Variants in SLC9B2 observed in about 807,000 individuals in gnomAD.
SLC9B2 encodes solute carrier family 9 member B2.
In SLC9B2, 39 loss-of-function variants were observed where a neutral mutation model predicts 52.2. That is an observed-to-expected ratio of 0.75 (90% CI 0.58 to 0.98). The LOEUF is 0.98. SLC9B2 is among the 50% of genes least tolerant of loss of function. SLC9B2 has a pLI of 0.00. For synonymous variants in SLC9B2, 214 were observed against 227.0 expected, an observed-to-expected ratio of 0.94 and a Z score of 0.51; for missense variants, 626 against 637.5, an observed-to-expected ratio of 0.98 and a Z score of 0.19.
In SLC9B2 at chr4:103,026,254, C is replaced by T. The variant is rs557123796; in HGVS notation, c.*116G>A. The T allele has an allele frequency of 2.1e-6, 2 of 943,632 alleles. No individual in the cohort carries two copies. The highest frequency in any genetic ancestry group is 3.3e-5 in the African/African-American group (2 of 60,532). 58.5% of individuals were successfully genotyped at this position (943,632 alleles called of 1,614,324 possible). A position where few individuals can be genotyped will look rare whatever the true frequency, so the allele number is the denominator to read the frequency against. On this transcript the variant is annotated 3_prime_UTR_variant, in exon 12 of 12. Transcript: ENST00000394785. ...GGGCTAAAAATGCTGTTTAAAGAAA[C>T]AGCTACACTTTTGGTTCTATTACAT... is the stretch of plus-strand genomic sequence containing the variant.
chr4:103,048,992 A>G lies in SLC9B2; in HGVS notation c.614T>C (p.Val205Ala), dbSNP rs956576185. Reference sequence around the variant, plus strand: ...AATACAGGGACCCATGGACAGTCTTACACAAACGCCCTTTAACTTCTTCAG... The same window carrying G: ...AATACAGGGACCCATGGACAGTCTTGCACAAACGCCCTTTAACTTCTTCAG... ...KALKKLKGVCVRLSMGPCIVE... is the reference protein window; with the variant it reads ...KALKKLKGVCARLSMGPCIVE... The change falls in exon 6 of 12, where the codon GTA becomes GCA. Residue 205 changes from valine to alanine, a missense_variant. By Grantham distance (64) the Val-to-Ala change is moderately conservative (BLOSUM62 0). Transcript: ENST00000394785. 1 of 1,613,896 alleles carries G rather than the reference A, an allele frequency of 6.2e-7. No individual in the cohort carries two copies.
Position 103,043,430 on chromosome 4 carries a change from T to A in SLC9B2, c.1012A>T (p.Lys338Ter). The part of the protein sequence containing the change: ...PSRDQDKLVC[K>*]RTFLVLGLSV... ...AACCCCAACACAAGGAATGTTCTCT[T>A]ACACACAAGTTTGTCCTTTAGGAGA... Residue 338 changes from lysine (K) to a stop codon, truncating the protein, a stop_gained, in exon 9 of 12, where the codon AAG (lysine) becomes TAG (stop). Coordinates refer to ENST00000394785, the MANE Select transcript of SLC9B2 (RefSeq NM_178833.7). LOFTEE classifies it high-confidence loss of function. 1 of 1,606,644 alleles carries A rather than the reference T, an allele frequency of 6.2e-7. No homozygotes were observed. The highest frequency in any genetic ancestry group is 1.7e-4 in the Middle Eastern group (1 of 6,030).
rs182078430 is a variant in SLC9B2 at position 103,024,611 on chromosome 4, C to A, written c.*1759G>T. Among the ~76,000 whole-genome samples the A allele has an allele frequency of 1.3e-5, 2 of 152,260 alleles. No homozygotes were observed. Among genetic ancestry groups the A allele is most frequent in the East Asian group, 3.9e-4 (2 of 5,186 alleles). On this transcript the variant is annotated 3_prime_UTR_variant, in exon 12 of 12. Transcript: ENST00000394785. ...TGGTGGGATTAGGATATTCATAATT[C>A]ATTCATCTAATACATATTTAATATC...
At chr4:103,058,113 T>C in intron 3 of SLC9B2, 142 bp from the exon 4 acceptor site, 1 of 790,464 alleles carries the variant, frequency 1.3e-6, no homozygotes, top group Non-Finnish European at 2.0e-6. Context: ...AGAGTATCAG[T>C]AAGATGACCA....
chr4:103,052,714 CAT>C (rs1491410977), intron 4 of SLC9B2, among the ~76,000 whole-genome samples: 5 of 150,204 alleles, frequency 3.3e-5, no homozygotes, highest in African/African-American at 1.2e-4. Flanking sequence ...TATGAGGGGA[CAT>C]TTTTTTTTTT....
chr4:103,056,273 G>A (rs1013752976), intron 4 of SLC9B2, among the ~76,000 whole-genome samples: 1 of 150,380 alleles, frequency 6.6e-6, no homozygotes, highest in Admixed American at 6.6e-5. Flanking sequence ...TTGAGATGGA[G>A]TCTCGCTCTT....
At chr4:103,077,061 C>G (rs755447287), upstream of SLC9B2, 1 of 152,218 alleles carries the variant, frequency 6.6e-6, no homozygotes, top group African/African-American at 2.4e-5. Flanking sequence ...CAGTGTGATT[C>G]TATTTCATTT....
rs1746685502 is a variant in SLC9B2, at chr4:103,072,054, A to ATGTTTTTTTTT, written c.-43+4119_-43+4129dup. 8.0e-5 allele frequency among the ~76,000 whole-genome samples: 5 copies of ATGTTTTTTTTT among 62,472 alleles called. No homozygotes were observed. The South Asian group carries it at 2.3e-3, about 29-fold the overall frequency. The allele number at this position is 62,472 out of a possible 152,430, so 41.0% of individuals were successfully genotyped here. A position where few individuals can be genotyped will look rare whatever the true frequency, so the allele number is the denominator to read the frequency against. On this transcript the variant is annotated intron_variant, in intron 1 of 11. Coordinates refer to ENST00000394785, the MANE Select transcript of SLC9B2 (RefSeq NM_178833.7). ...TTCAAAATTTTCAAGTTTGGCTTTCATGTTTTTTTTTTTTTTTTTTTTGAG... is the reference window on the plus strand; with the variant it reads ...TTCAAAATTTTCAAGTTTGGCTTTCATGTTTTTTTTTTGTTTTTTTTTTTTTTTTTTTTGAG...
intron 7 of SLC9B2, among the ~76,000 whole-genome samples, chr4:103,045,361 A>G (rs1017849635): frequency 2.6e-5 from 4 of 152,156 alleles, no homozygotes; most frequent in African/African-American, 7.2e-5. Flanking sequence ...CTCTGAAGTA[A>G]TTTTATTTAG....
chr4:103,026,681 C>T, intron 11 of SLC9B2, 90 bp from the exon 12 acceptor site: 4 of 1,228,170 alleles, frequency 3.3e-6, no homozygotes, highest in Non-Finnish European at 4.5e-6. Flanking sequence ...AAGCAAATTG[C>T]TTGTTCTTTT....
At chr4:103,055,721 TACTAAA>T (rs1745072638) in intron 4 of SLC9B2, among the ~76,000 whole-genome samples, 1 of 152,060 alleles carries the variant, frequency 6.6e-6, no homozygotes, top group African/African-American at 2.4e-5. Context: ...GGTGGTTTTT[TACTAAA>T]ACTGAGTGAT....
At chr4:103,038,244 CA>C (rs1743341172) in intron 9 of SLC9B2, among the ~76,000 whole-genome samples, 1 of 152,110 alleles carries the variant, frequency 6.6e-6, no homozygotes, top group Non-Finnish European at 1.5e-5. Context: ...CTTTTGTTGC[CA>C]TGAATAATTG....
intron 4 of SLC9B2, among the ~76,000 whole-genome samples, chr4:103,056,396 C>T (rs548377337): frequency 1.5e-4 from 23 of 152,170 alleles, no homozygotes; most frequent in Admixed American, 1.0e-3. Flanking sequence ...TACAGGCACC[C>T]GCCACCACGC....
chr4:103,034,393 G>A (rs932312643), intron 9 of SLC9B2, among the ~76,000 whole-genome samples: 1 of 152,078 alleles, frequency 6.6e-6, no homozygotes, highest in African/African-American at 2.4e-5. Context: ...ATTGGCCCAG[G>A]CAAAGACTTC....
downstream of SLC9B2, among the ~76,000 whole-genome samples, chr4:103,020,749 G>A (rs1365567396): frequency 6.6e-6 from 1 of 152,062 alleles, no homozygotes; most frequent in Admixed American, 6.6e-5. Flanking sequence ...CGATCCTCCT[G>A]CCTCCTGAGT....
intron 1 of SLC9B2, among the ~76,000 whole-genome samples, chr4:103,072,076 T>TTTTTTTTTTTTTTA (rs1746699741): frequency 6.7e-6 from 1 of 148,568 alleles, no homozygotes; most frequent in Non-Finnish European, 1.5e-5. Flanking sequence ...TTTTTTTTTT[T>TTTTTTTTTTTTTTA]GAGGTGGAGT....
At position 103,043,252 on chromosome 4, in the gene SLC9B2, A is replaced by C; in HGVS notation, c.1146+44T>G. On this transcript the variant is annotated intron_variant, in intron 9 of 11. Transcript: ENST00000394785. ...GTATCTGGAAAGCCAACTTAATCTC[A>C]TTAGAAAAGAGTCATGAGCAGAAAA... is the stretch of plus-strand genomic sequence containing the variant. The C allele has an allele frequency of 3.8e-6, 6 of 1,561,384 alleles. No individual in the cohort carries two copies. The South Asian group carries it at 7.4e-5, about 19-fold the overall frequency.
At chr4:103,066,278 C>T in intron 3 of SLC9B2, 49 bp downstream of exon 3, 8 of 1,567,816 alleles carry the variant, frequency 5.1e-6, no homozygotes, top group South Asian at 1.2e-5. Context: ...AGTAATCTGC[C>T]ATTATAACAA....
At chr4:103,065,227 G>A (rs1746017870) in intron 3 of SLC9B2, among the ~76,000 whole-genome samples, 1 of 150,668 alleles carries the variant, frequency 6.6e-6, no homozygotes, top group African/African-American at 2.5e-5. Flanking sequence ...AAGTATATTG[G>A]GTGATATATA....
Sources: gnomAD v4.1 joint callset for allele counts (sites outside exome capture counted in the v4.1 genomes callset) on GRCh38, gnomAD v4.1.1 for gene constraint, MANE v1.5 for transcripts, NCBI Gene and HGNC (gene_info 2026-07-23, HGNC 2026-07-21) for gene names.